The following ZNF469 variants were observed in gnomAD, a reference collection of about 807,000 sequenced individuals.
ZNF469 encodes the protein zinc finger protein 469.
A neutral mutation model predicts 1.0 loss-of-function variants in ZNF469; 1 was observed. That is an observed-to-expected ratio of 1.00 (90% confidence interval 0.35 to 4.73). ZNF469 has a LOEUF of 4.73. Ranked by LOEUF, ZNF469 falls within the 30% of genes most tolerant of loss-of-function variation. The pLI is 0.16. For missense variants in ZNF469, 6,100 were observed against 5,356.3 expected (o/e 1.14, Z -4.33); for synonymous variants, 2,703 against 2,363.4 (o/e 1.14, Z -4.17).
chr16:88,433,941 G>C lies in ZNF469; in HGVS notation c.6471G>C (p.Arg2157Ser), dbSNP rs1239465991. ...AGCTGCCAGCATCTCCGTCCTGCAGGGACCCTCCCGGCCCCCAGCAGCTGC... is the reference window on the plus strand; with the variant it reads ...AGCTGCCAGCATCTCCGTCCTGCAGCGACCCTCCCGGCCCCCAGCAGCTGC... ...GGQLPASPSC[R>S]DPPGPQQLLA... The change falls in exon 3 of 3, where the codon AGG (arginine) becomes AGC (serine). Residue 2157 changes from arginine to serine, a missense_variant. Transcript: ENST00000565624. 4 of 1,550,154 alleles carry C rather than the reference G, an allele frequency of 2.6e-6. No homozygotes were observed. The South Asian group carries it at 3.6e-5, about 14-fold the overall frequency.
chr16:88,193,060 G>A, the ZNF469 span, among the ~76,000 whole-genome samples: 4 of 139,334 alleles, frequency 2.9e-5, no homozygotes, highest in Non-Finnish European at 4.8e-5. Flanking sequence ...GATGGTGATG[G>A]TGGTGATGGT....
the ZNF469 span, among the ~76,000 whole-genome samples, chr16:88,263,840 G>A: frequency 3.6e-4 from 55 of 152,196 alleles, no homozygotes; most frequent in Non-Finnish European, 6.2e-4. Flanking sequence ...CCCCACCTCC[G>A]AGACTGATGC....
chr16:88,271,023 T>C, the ZNF469 span, among the ~76,000 whole-genome samples: 1 of 152,160 alleles, frequency 6.6e-6, no homozygotes, highest in South Asian at 2.1e-4. Context: ...TGGGTTGGGA[T>C]TCAGCTCAGT....
the ZNF469 span, among the ~76,000 whole-genome samples, chr16:88,249,133 C>A: frequency 6.6e-6 from 1 of 152,052 alleles, no homozygotes; most frequent in African/African-American, 2.4e-5. Context: ...TATCCCATGT[C>A]CCAGGTGCCC....
In ZNF469 at chr16:88,435,529, G is replaced by C; in HGVS notation, c.8059G>C (p.Ala2687Pro). ...HCLSVEGGPE[A>P]DGEQPPRLAT... The stretch of plus-strand genomic sequence containing the variant: ...CCTCTCTGTGGAAGGAGGGCCTGAG[G>C]CTGACGGGGAGCAGCCGCCTCGCTT... The change falls in exon 3 of 3, where the codon GCT (alanine) becomes CCT (proline). Residue 2687 changes from alanine to proline, a missense_variant. Transcript: ENST00000565624. 6.5e-7 allele frequency: 1 copy of C among 1,549,468 alleles called. No individual in the cohort carries two copies. The highest frequency in any genetic ancestry group is 8.7e-7 in the Non-Finnish European group (1 of 1,146,978).
the ZNF469 span, among the ~76,000 whole-genome samples, chr16:88,251,538 C>CTTTTTTTTTTTTTTTTTTTTTTTT: frequency 5.9e-5 from 3 of 51,238 alleles, 1 homozygote; most frequent in Non-Finnish European, 9.8e-5. Flanking sequence ...TCCCTGCTGT[C>CTTTTTTTTTTTTTTTTTTTTTTTT]TTTTTTTTTT....
the ZNF469 span, among the ~76,000 whole-genome samples, chr16:88,256,347 C>T: frequency 9.8e-5 from 15 of 152,328 alleles, no homozygotes; most frequent in South Asian, 3.1e-3. Context: ...TAGTAATATG[C>T]ACTTACATGT....
At chr16:88,228,339 G>T in the ZNF469 span, among the ~76,000 whole-genome samples, 9 of 152,364 alleles carry the variant, frequency 5.9e-5, no homozygotes, top group African/African-American at 2.2e-4. Context: ...CACACACGGC[G>T]CCTGGCATGG....
At chr16:88,155,529 G>T in the ZNF469 span, among the ~76,000 whole-genome samples, 7 of 152,208 alleles carry the variant, frequency 4.6e-5, no homozygotes, top group Non-Finnish European at 8.8e-5. Flanking sequence ...GGATTTGCCA[G>T]TTCGGGATGT....
rs1567500441 is a variant in ZNF469 at position 88,397,635 on chromosome 16, G to GA, written c.-192+14381_-192+14382insA. Among the ~76,000 whole-genome samples, 170 of 88,502 alleles carry GA rather than the reference G, an allele frequency of 1.9e-3. 1 individual carries two copies. The highest frequency in any genetic ancestry group is 5.0e-3 in the African/African-American group (97 of 19,538). The allele number at this position is 88,502 out of a possible 152,430, so 58.1% of individuals were successfully genotyped here. On this transcript the variant is annotated intron_variant, in intron 1 of 2. Coordinates refer to ENST00000565624, the MANE Select transcript of ZNF469 (RefSeq NM_001367624.2). ...TGGATGGATGGGTGGATGGATGGAT[G>GA]GATGGATGGATATAAATAAGAGATA... is the stretch of plus-strand genomic sequence containing the variant.
In ZNF469 at chr16:88,430,790, G is replaced by T; in HGVS notation, c.3320G>T (p.Arg1107Leu). The part of the protein sequence containing the change: ...ESEEDEQPPP[R>L]GPGFRGRRGR... ...GAGGAGGACGAGCAGCCTCCGCCGC[G>T]GGGCCCCGGCTTCAGAGGCCGGCGG... The change falls in exon 3 of 3, where the codon CGG becomes CTG. Residue 1107 changes from arginine to leucine, a missense_variant. Physicochemically the swap from Arg to Leu is moderately radical, Grantham distance 102 (BLOSUM62 -2). Coordinates refer to ENST00000565624, the MANE Select transcript of ZNF469 (RefSeq NM_001367624.2). 6.6e-7 allele frequency: 1 copy of T among 1,526,284 alleles called. No individual in the cohort carries two copies. The highest frequency in any genetic ancestry group is 1.4e-5 in the African/African-American group (1 of 72,040). The allele number at this position is 1,526,284 out of a possible 1,614,324, so 94.5% of individuals were successfully genotyped here.
chr16:88,407,142 C>T (rs970362872), intron 1 of ZNF469, among the ~76,000 whole-genome samples: 4 of 105,650 alleles, frequency 3.8e-5, no homozygotes, highest in African/African-American at 8.5e-5. Flanking sequence ...GTGTGCCCGG[C>T]GCTCTGTGGC....
At chr16:88,252,948 G>A in the ZNF469 span, among the ~76,000 whole-genome samples, 1 of 152,204 alleles carries the variant, frequency 6.6e-6, no homozygotes, top group Non-Finnish European at 1.5e-5. Context: ...CCTTTAAGCA[G>A]AATCCTATAG....
the ZNF469 span, among the ~76,000 whole-genome samples, chr16:88,120,543 A>G: frequency 6.6e-6 from 1 of 152,344 alleles, no homozygotes; most frequent in East Asian, 1.9e-4. Context: ...AGGCGGCCGG[A>G]TGCTGGACCC....
chr16:88,370,891 C>G, the ZNF469 span, among the ~76,000 whole-genome samples: 1 of 152,348 alleles, frequency 6.6e-6, no homozygotes, highest in East Asian at 1.9e-4. Context: ...GGGGGTTACG[C>G]TCTTGCTGAG....
rs1350751343 is a variant in ZNF469 at position 88,431,818 on chromosome 16, T to A, written c.4348T>A (p.Leu1450Met). The change falls in exon 3 of 3, where the codon TTG (leucine) becomes ATG (methionine). Residue 1450 changes from leucine (L) to methionine (M), a missense_variant. Transcript: ENST00000565624. Reference sequence around the variant, plus strand: ...AGGCAGGGCTGCATCGCCACCGACCTTGGAGTCCTCATCCCTCTTCCCAGA... The same window carrying A: ...AGGCAGGGCTGCATCGCCACCGACCATGGAGTCCTCATCCCTCTTCCCAGA... ...EPGRAASPPT[L>M]ESSSLFPDLP... 3 of 1,549,738 alleles carry A rather than the reference T, an allele frequency of 1.9e-6. No individual in the cohort carries two copies. The South Asian group carries it at 3.6e-5, about 18-fold the overall frequency.
the ZNF469 span, among the ~76,000 whole-genome samples, chr16:88,264,638 C>T: frequency 5.3e-5 from 8 of 151,820 alleles, no homozygotes; most frequent in Non-Finnish European, 8.8e-5. Flanking sequence ...CCAGCACCAC[C>T]GCCTGACCCC....
At chr16:88,205,966 C>G in the ZNF469 span, among the ~76,000 whole-genome samples, 106 of 152,184 alleles carry the variant, frequency 7.0e-4, 3 homozygotes, top group African/African-American at 2.4e-3. The surrounding 1 kb of genome is among the most constrained non-coding windows in gnomAD (Gnocchi z 4.2). Context: ...AGGGGGGGGC[C>G]CAGCCCATGA....
chr16:88,278,349 T>C, the ZNF469 span, among the ~76,000 whole-genome samples: 1,454 of 20,236 alleles, frequency 0.072, 3 homozygotes, highest in South Asian at 0.13. Context: ...CGCTGACACT[T>C]GGTCAGTACC....
Sources: gnomAD v4.1 joint callset for allele counts (sites outside exome capture counted in the v4.1 genomes callset) on GRCh38, gnomAD v4.1.1 for gene constraint, Gnocchi (gnomAD v3.1) non-coding constraint, MANE v1.5 for transcripts, NCBI Gene and HGNC (gene_info 2026-07-23, HGNC 2026-07-21) for gene names.